TPTE2: variants seen among roughly 807,000 people sequenced by gnomAD.
The protein encoded by TPTE2 is transmembrane phosphoinositide 3-phosphatase and tensin homolog 2.
In TPTE2, 53 loss-of-function variants were observed where a neutral mutation model predicts 78.6. The observed-to-expected ratio is 0.67, with a 90% CI of 0.54 to 0.85. The LOEUF is 0.85. TPTE2 is among the 40% of genes least tolerant of loss of function. The pLI, the probability that TPTE2 is intolerant of heterozygous loss-of-function variation, is 0.00. For synonymous variants in TPTE2, 175 were observed against 206.2 expected (o/e 0.85, Z 1.30); for missense variants, 461 against 623.0 (o/e 0.74, Z 2.77).
chr13:19,446,253 A>C (rs1021855843), intron 13 of TPTE2, among the ~76,000 whole-genome samples: 1 of 152,208 alleles, frequency 6.6e-6, no homozygotes, highest in African/African-American at 2.4e-5. Context: ...GAATGTAATA[A>C]TAAAGTTCCA....
intron 1 of TPTE2, among the ~76,000 whole-genome samples, chr13:19,499,596 A>G (rs1480650048): frequency 6.9e-6 from 1 of 144,580 alleles, no homozygotes; most frequent in African/African-American, 2.6e-5. Flanking sequence ...GTTCTTTGAA[A>G]CCAATGAGAA....
At chr13:19,527,243 T>C (rs1314571212) in intron 1 of TPTE2, among the ~76,000 whole-genome samples, 1 of 152,206 alleles carries the variant, frequency 6.6e-6, no homozygotes, top group Non-Finnish European at 1.5e-5. Context: ...TAATGTTCTA[T>C]AGCAGAGTAG....
chr13:19,456,022 C>T (rs116713077), intron 10 of TPTE2, among the ~76,000 whole-genome samples: 3,736 of 151,818 alleles, frequency 0.025, 65 homozygotes, highest in Middle Eastern at 0.051. Flanking sequence ...TCAATATTAC[C>T]GTGAAAGTCC....
Position 19,466,309 on chromosome 13 carries a change from C to T in TPTE2, c.513-745G>A, listed in dbSNP as rs191892519. Among the ~76,000 whole-genome samples the T allele has an allele frequency of 3.3e-5, 5 of 152,338 alleles. No homozygotes were observed. In the East Asian group the frequency reaches 9.6e-4, roughly 29 times the overall value. On this transcript the variant is annotated intron_variant, in intron 7 of 19. Transcript: ENST00000400230. ...ATTTCTAGCAAGCTGTCAAGTGATGCTGAGGTTTCTAGTCAGAGAACCACA... is the reference window on the plus strand; with the variant it reads ...ATTTCTAGCAAGCTGTCAAGTGATGTTGAGGTTTCTAGTCAGAGAACCACA...
At chr13:19,510,112 A>C (rs1405317437) in intron 1 of TPTE2, among the ~76,000 whole-genome samples, 1 of 152,234 alleles carries the variant, frequency 6.6e-6, no homozygotes, top group African/African-American at 2.4e-5. Context: ...TGCCAAAGCT[A>C]ACAGGCAGAT....
At chr13:19,515,004 A>G (rs187206051) in intron 1 of TPTE2, among the ~76,000 whole-genome samples, 3 of 152,288 alleles carry the variant, frequency 2.0e-5, no homozygotes, top group East Asian at 3.9e-4. Context: ...TCATAAAACC[A>G]TGCTGAATAT....
At chr13:19,539,333 T>C (rs929218004), upstream of TPTE2, among the ~76,000 whole-genome samples, 1 of 152,324 alleles carries the variant, frequency 6.6e-6, no homozygotes, top group Middle Eastern at 3.4e-3. Context: ...AACTGAATCA[T>C]GGGGGTGGGT....
At chr13:19,496,083 G>C (rs1881293415) in intron 1 of TPTE2, among the ~76,000 whole-genome samples, 1 of 152,138 alleles carries the variant, frequency 6.6e-6, no homozygotes, top group African/African-American at 2.4e-5. Flanking sequence ...GGCCAGGCTG[G>C]CCTTGAACTA....
chr13:19,541,089 T>C (rs1871424716), upstream of TPTE2, among the ~76,000 whole-genome samples: 1 of 152,224 alleles, frequency 6.6e-6, no homozygotes, highest in African/African-American at 2.4e-5. Flanking sequence ...GATTCAGTTA[T>C]CTGAAGCTGT....
At chr13:19,432,614 T>C (rs140748046) in intron 15 of TPTE2, 36 bp from the exon 19 acceptor site, 30,548 of 1,446,792 alleles carry the variant, frequency 0.021, 369 homozygotes, top group Non-Finnish European at 0.026. Flanking sequence ...TAAGTGGAGA[T>C]GAAAAGTCTA....
intron 1 of TPTE2, among the ~76,000 whole-genome samples, chr13:19,530,672 G>A (rs1870813200): frequency 2.0e-5 from 3 of 151,968 alleles, no homozygotes; most frequent in Non-Finnish European, 2.9e-5. Flanking sequence ...AGCCTCCTGA[G>A]TAGCTGGGAC....
intron 13 of TPTE2, among the ~76,000 whole-genome samples, chr13:19,446,278 A>G (rs2137519522): frequency 6.6e-6 from 1 of 152,330 alleles, no homozygotes; most frequent in African/African-American, 2.4e-5. Context: ...GAGCAAGACA[A>G]TTCTGCCTTT....
chr13:19,479,914 G>A (rs1327494983), intron 4 of TPTE2, among the ~76,000 whole-genome samples: 2 of 151,296 alleles, frequency 1.3e-5, no homozygotes, highest in African/African-American at 4.9e-5. Flanking sequence ...AGTGAGCTGA[G>A]TGGTGTCACT....
At chr13:19,538,528 T>C (rs901178829), upstream of TPTE2, among the ~76,000 whole-genome samples, 17 of 148,136 alleles carry the variant, frequency 1.1e-4, no homozygotes, top group Non-Finnish European at 7.5e-5. Context: ...CCTTTTTTTT[T>C]CTTTTTTCTT....
upstream of TPTE2, among the ~76,000 whole-genome samples, chr13:19,507,183 ATT>A (rs1410899312): frequency 6.6e-6 from 1 of 152,006 alleles, no homozygotes; most frequent in Admixed American, 6.6e-5. Context: ...ATATCACTTC[ATT>A]TGGGTCAGAG....
chr13:19,480,805 T>C (rs983310829), intron 4 of TPTE2, among the ~76,000 whole-genome samples: 6 of 152,258 alleles, frequency 3.9e-5, no homozygotes, highest in African/African-American at 1.4e-4. Context: ...ATCAATAGCG[T>C]CACAATCATT....
chr13:19,487,317 C>CA (rs779695202), intron 3 of TPTE2, among the ~76,000 whole-genome samples: 45 of 152,066 alleles, frequency 3.0e-4, no homozygotes, highest in Non-Finnish European at 5.7e-4. Flanking sequence ...CTGCTAGGGG[C>CA]AGCCTGTGGG....
intron 10 of TPTE2, among the ~76,000 whole-genome samples, chr13:19,461,595 G>A (rs1039192424): frequency 6.6e-5 from 10 of 151,958 alleles, no homozygotes; most frequent in African/African-American, 2.4e-4. Flanking sequence ...GTAAGAGTGG[G>A]GTGTTAAAGG....
In TPTE2 at chr13:19,425,952, G is replaced by A. The variant is rs1245018849; in HGVS notation, c.1395+473C>T. Reference sequence around the variant, plus strand: ...TTCTAGTCAGTGCTCCCAGCTACTCGGGAGGCTGAGGTGGGAGGATTGCTT... The same window carrying A: ...TTCTAGTCAGTGCTCCCAGCTACTCAGGAGGCTGAGGTGGGAGGATTGCTT... On this transcript the variant is annotated intron_variant, in intron 18 of 19. Transcript: ENST00000400230. The A allele has an allele frequency of 8.9e-5, 39 of 439,666 alleles. 1 individual carries two copies. Among genetic ancestry groups the A allele is most frequent in the African/African-American group, 3.8e-4 (19 of 49,872 alleles). The allele number at this position is 439,666 out of a possible 1,614,324, so 27.2% of individuals were successfully genotyped here.
Sources: gnomAD v4.1 joint callset for allele counts (sites outside exome capture counted in the v4.1 genomes callset) on GRCh38, gnomAD v4.1.1 for gene constraint, MANE v1.5 for transcripts, NCBI Gene and HGNC (gene_info 2026-07-23, HGNC 2026-07-21) for gene names.